Variants in MEIS1 observed in about 807,000 individuals in gnomAD.
MEIS1 encodes the protein Meis homeobox 1, also known as homeobox protein Meis1.
MEIS1 carries 5 observed loss-of-function variants against 50.8 expected under a neutral mutation model. The observed-to-expected ratio is 0.10, with a 90% CI of 0.05 to 0.21. The LOEUF (loss-of-function observed/expected upper bound fraction) is 0.21, where lower values mean the gene tolerates loss of function less well. Ranked by LOEUF, MEIS1 falls within the 10% of genes least tolerant of loss-of-function variation. The pLI is 1.00. For missense variants in MEIS1, 318 were observed against 517.3 expected (o/e 0.61, Z 3.74); for synonymous variants, 176 against 179.3 (o/e 0.98, Z 0.15).
intron 8 of MEIS1, among the ~76,000 whole-genome samples, chr2:66,518,206 A>C (rs1674017369): frequency 6.6e-6 from 1 of 152,186 alleles, no homozygotes; most frequent in African/African-American, 2.4e-5. Context: ...TTGCTTATTT[A>C]TCCAGGTATA....
chr2:66,516,069 G>C (rs764854919), intron 8 of MEIS1, among the ~76,000 whole-genome samples: 23 of 152,242 alleles, frequency 1.5e-4, no homozygotes, highest in Admixed American at 3.3e-4. Flanking sequence ...GTGTCCAAAG[G>C]CTTAGTGAAA....
At chr2:66,568,507 A>G in intron 10 of MEIS1, 160 bp from the exon 11 acceptor site, 1 of 559,152 alleles carries the variant, frequency 1.8e-6, no homozygotes, top group Non-Finnish European at 3.2e-6. Context: ...AGGTGTGTAG[A>G]TCTAGTCTGA....
Position 66,512,171 on chromosome 2 carries a change from A to G in MEIS1, c.765A>G (p.Val255=). The change falls in exon 8 of 13, where the codon GTA becomes GTG. Residue 255 remains valine, a synonymous_variant. Coordinates refer to ENST00000272369, the MANE Select transcript of MEIS1 (RefSeq NM_002398.3). ...SEQGDGLDNS[V]ASPSTGDDDD... ...CAGGTGATGGCTTGGACAACAGTGT[A>G]GCTTCCCCCAGCACAGGTGACGATG... 6.3e-7 allele frequency: 1 copy of G among 1,599,566 alleles called. No individual in the cohort carries two copies. Among genetic ancestry groups the G allele is most frequent in the South Asian group, 1.1e-5 (1 of 88,090 alleles).
At position 66,480,430 on chromosome 2, in the gene MEIS1, G is replaced by A. The variant is rs72895128; in HGVS notation, c.742+16210G>A. Among the ~76,000 whole-genome samples the A allele has an allele frequency of 6.2e-3, 941 of 152,272 alleles. 10 individuals carry two copies. The highest frequency in any genetic ancestry group is 0.022 in the African/African-American group (900 of 41,556). On this transcript the variant is annotated intron_variant, in intron 7 of 12. Coordinates refer to ENST00000272369, the MANE Select transcript of MEIS1 (RefSeq NM_002398.3). Reference sequence around the variant, plus strand: ...TTGAGATGGCAGAATCTAAGCCAGAGTTTCTTTCAAGGAGATTTAGCACAC... The same window carrying A: ...TTGAGATGGCAGAATCTAAGCCAGAATTTCTTTCAAGGAGATTTAGCACAC...
At chr2:66,561,640 G>A (rs2110975) in intron 9 of MEIS1, among the ~76,000 whole-genome samples, 47,038 of 152,082 alleles carry the variant, frequency 0.31, 7,703 homozygotes, top group African/African-American at 0.38. Flanking sequence ...AAGGGATAGT[G>A]TAGGTATAGA....
At chr2:66,460,102 C>A (rs969818213) in intron 6 of MEIS1, among the ~76,000 whole-genome samples, 1 of 152,104 alleles carries the variant, frequency 6.6e-6, no homozygotes, top group African/African-American at 2.4e-5. Flanking sequence ...CCAGTGGTAA[C>A]TTTATTCAGG....
chr2:66,501,464 G>A (rs1281713201), intron 7 of MEIS1, among the ~76,000 whole-genome samples: 2 of 151,470 alleles, frequency 1.3e-5, no homozygotes, highest in Admixed American at 6.6e-5. Context: ...AAAAAAAAAT[G>A]CTGAATAGAT....
intron 8 of MEIS1, among the ~76,000 whole-genome samples, chr2:66,527,588 G>C (rs1674282417): frequency 7.3e-6 from 1 of 136,326 alleles, no homozygotes; most frequent in African/African-American, 2.8e-5. Flanking sequence ...TGCAGTAAAA[G>C]CAAGTGTGTG....
intron 7 of MEIS1, among the ~76,000 whole-genome samples, chr2:66,473,397 A>AATATATATAT (rs1553373466): frequency 6.9e-4 from 74 of 107,474 alleles, no homozygotes; most frequent in Middle Eastern, 4.5e-3. Flanking sequence ...AAAAAAAAAA[A>AATATATATAT]ATATATATAT....
intron 7 of MEIS1, among the ~76,000 whole-genome samples, chr2:66,510,200 C>T (rs1250935527): frequency 6.6e-6 from 1 of 152,116 alleles, no homozygotes; most frequent in Non-Finnish European, 1.5e-5. Flanking sequence ...AACTGCTTCT[C>T]TGAATAAAAA....
intron 7 of MEIS1, among the ~76,000 whole-genome samples, chr2:66,490,473 A>G (rs1307392222): frequency 2.8e-5 from 4 of 143,782 alleles, no homozygotes; most frequent in African/African-American, 1.2e-4. Context: ...TTGCAAGCTT[A>G]CTTTTTAAAA....
intron 6 of MEIS1, among the ~76,000 whole-genome samples, chr2:66,447,121 C>G (rs1316978434): frequency 6.6e-6 from 1 of 152,170 alleles, no homozygotes; most frequent in African/African-American, 2.4e-5. Context: ...TGGATGGGAT[C>G]TGCTGCTTTA....
intron 9 of MEIS1, among the ~76,000 whole-genome samples, chr2:66,555,292 C>G (rs1675031774): frequency 2.8e-5 from 1 of 35,642 alleles, no homozygotes; most frequent in African/African-American, 9.0e-5. Context: ...TCTCTCTCCA[C>G]CCCCCAAACC....
At chr2:66,538,991 G>C (rs1430213620) in intron 8 of MEIS1, among the ~76,000 whole-genome samples, 1 of 152,110 alleles carries the variant, frequency 6.6e-6, no homozygotes, top group South Asian at 2.1e-4. Context: ...GGGTTCAAGC[G>C]ATTATTCTGC....
intron 7 of MEIS1, among the ~76,000 whole-genome samples, chr2:66,506,076 A>G (rs573556292): frequency 6.6e-6 from 1 of 152,370 alleles, no homozygotes; most frequent in South Asian, 2.1e-4. Context: ...TGTACACTGT[A>G]CACTGGAGTA....
intron 2 of MEIS1, among the ~76,000 whole-genome samples, chr2:66,438,904 C>A (rs898903661): frequency 6.6e-6 from 1 of 151,912 alleles, no homozygotes; most frequent in African/African-American, 2.4e-5. Context: ...TAATTCCCAC[C>A]GTTCTGTCCG....
intron 9 of MEIS1, among the ~76,000 whole-genome samples, chr2:66,550,522 G>A (rs1423211764): frequency 2.6e-5 from 4 of 151,068 alleles, no homozygotes; most frequent in Non-Finnish European, 4.4e-5. Context: ...TTTTGATACC[G>A]AGTCCTGCTC....
intron 8 of MEIS1, among the ~76,000 whole-genome samples, chr2:66,527,263 G>T (rs1422028740): frequency 6.6e-6 from 1 of 152,126 alleles, no homozygotes; most frequent in Non-Finnish European, 1.5e-5. Flanking sequence ...AGATCTAACA[G>T]CCATCTTAGT....
At chr2:66,529,529 C>G (rs1674338843) in intron 8 of MEIS1, among the ~76,000 whole-genome samples, 1 of 152,158 alleles carries the variant, frequency 6.6e-6, no homozygotes, top group African/African-American at 2.4e-5. Context: ...CTCCACCTCC[C>G]AGGTTAAAGC....
Sources: allele counts gnomAD v4.1 joint callset (sites outside exome capture counted in the v4.1 genomes callset), GRCh38; gene constraint gnomAD v4.1.1; transcripts MANE v1.5; gene names NCBI Gene and HGNC (gene_info 2026-07-23, HGNC 2026-07-21).